Variants in KLHL3 observed in about 807,000 individuals in gnomAD.
KLHL3 encodes kelch-like protein 3.
In KLHL3, 19 loss-of-function variants were observed where a neutral mutation model predicts 70.5. The observed-to-expected ratio is 0.27, with a 90% CI of 0.19 to 0.40. KLHL3 has a LOEUF of 0.40. Ranked by LOEUF, KLHL3 falls within the 10% of genes least tolerant of loss-of-function variation. The pLI is 1.00. For missense variants in KLHL3, 512 were observed against 771.1 expected (o/e 0.66, Z 3.98); for synonymous variants, 258 against 290.3 (o/e 0.89, Z 1.13).
At chr5:137,625,154 T>G (rs1010706030) in intron 14 of KLHL3, among the ~76,000 whole-genome samples, 1 of 152,260 alleles carries the variant, frequency 6.6e-6, no homozygotes, top group African/African-American at 2.4e-5. Context: ...CCTAACACAC[T>G]GCCCCATGGC....
At chr5:137,685,042 C>A (rs893939712) in intron 5 of KLHL3, among the ~76,000 whole-genome samples, 7 of 152,202 alleles carry the variant, frequency 4.6e-5, no homozygotes, top group South Asian at 2.1e-4. Flanking sequence ...TCAGCCCCCA[C>A]AAAGTTGTGC....
chr5:137,622,184 C>T, intron 14 of KLHL3, 58 bp from the exon 15 acceptor site: 1 of 1,569,112 alleles, frequency 6.4e-7, no homozygotes, highest in South Asian at 1.1e-5. Context: ...ACTCAGAGTC[C>T]CAGTGAGTTC....
chr5:137,684,657 T>C (rs1752119621), intron 5 of KLHL3, among the ~76,000 whole-genome samples: 1 of 152,122 alleles, frequency 6.6e-6, no homozygotes, highest in Non-Finnish European at 1.5e-5. Flanking sequence ...TGTATGGCTG[T>C]CCAATTACCA....
At chr5:137,653,385 A>C (rs954796084) in intron 8 of KLHL3, among the ~76,000 whole-genome samples, 1 of 152,248 alleles carries the variant, frequency 6.6e-6, no homozygotes, top group Admixed American at 6.5e-5. Flanking sequence ...TCCAGAATAC[A>C]TAAAGAATGT....
At chr5:137,630,017 G>T (rs184796732) in intron 12 of KLHL3, 1 of 152,280 alleles carries the variant, frequency 6.6e-6, no homozygotes, top group East Asian at 1.9e-4. Context: ...AGCCACAGGG[G>T]CTCCTGGCAC....
intron 14 of KLHL3, among the ~76,000 whole-genome samples, chr5:137,625,043 T>C (rs1037866855): frequency 6.6e-6 from 1 of 152,254 alleles, no homozygotes; most frequent in African/African-American, 2.4e-5. Context: ...AGCAAGTTAC[T>C]TAAACTCTCC....
chr5:137,710,371 C>T (rs1311830641), intron 2 of KLHL3, among the ~76,000 whole-genome samples: 7 of 152,164 alleles, frequency 4.6e-5, no homozygotes, highest in African/African-American at 1.2e-4. Context: ...CCAGATTTAA[C>T]GCTTTCAACA....
Position 137,720,542 on chromosome 5 carries a change from A to G in KLHL3, c.57T>C (p.Asp19=), listed in dbSNP as rs1487685554. Residue 19 remains aspartate, a synonymous_variant, in exon 2 of 15, where the codon GAT becomes GAC. Coordinates refer to ENST00000309755, the MANE Select transcript of KLHL3 (RefSeq NM_017415.3). ...CAGTGATCGTCCTCTGGTTCTTCTCATCATCCCCAGCCTGTATCAGAGTCT... is the reference window on the plus strand; with the variant it reads ...CAGTGATCGTCCTCTGGTTCTTCTCGTCATCCCCAGCCTGTATCAGAGTCT... The part of the protein sequence containing the change: ...SSQTLIQAGD[D]EKNQRTITVN... 5 of 1,614,116 alleles carry G rather than the reference A, an allele frequency of 3.1e-6. No homozygotes were observed. Among genetic ancestry groups the G allele is most frequent in the East Asian group, 2.2e-5 (1 of 44,886 alleles).
chr5:137,711,244 T>A (rs1752787465), intron 2 of KLHL3, among the ~76,000 whole-genome samples: 1 of 152,202 alleles, frequency 6.6e-6, no homozygotes, highest in African/African-American at 2.4e-5. Context: ...TTTGTTTAGG[T>A]TCACATATCA....
intron 12 of KLHL3, 31 bp from the exon 13 acceptor site, chr5:137,628,468 A>T (rs367865348): frequency 1.7e-4 from 278 of 1,612,936 alleles, no homozygotes; most frequent in Non-Finnish European, 2.2e-4. Context: ...TCCCAGCCTC[A>T]TGCTGACTAC....
intron 12 of KLHL3, among the ~76,000 whole-genome samples, chr5:137,633,223 G>A (rs1162202729): frequency 7.4e-6 from 1 of 135,784 alleles, no homozygotes; most frequent in East Asian, 2.4e-4. Flanking sequence ...AGCTTGCAGT[G>A]AGCCGAGATA....
intron 11 of KLHL3, 33 bp from the exon 12 acceptor site, chr5:137,634,198 A>C (rs1580720711): frequency 6.4e-7 from 1 of 1,573,150 alleles, no homozygotes; most frequent in East Asian, 2.3e-5. Flanking sequence ...GTGTGGTGCC[A>C]GGGATACTGG....
In KLHL3 at chr5:137,702,827, G is replaced by A. The variant is rs1365724053; in HGVS notation, c.242-4419C>T. 2.0e-5 allele frequency among the ~76,000 whole-genome samples: 3 copies of A among 152,232 alleles called. No homozygotes were observed. The East Asian group carries it at 5.8e-4, about 29-fold the overall frequency. ...GCACTTAGCAGCCTCTGAGAACCAC[G>A]GAGGGCCCAGAAGAGCAAGCAATCC... On this transcript the variant is annotated intron_variant, in intron 3 of 14. Coordinates refer to ENST00000309755, the MANE Select transcript of KLHL3 (RefSeq NM_017415.3).
At chr5:137,632,436 T>A (rs116162850) in intron 12 of KLHL3, among the ~76,000 whole-genome samples, 2,422 of 152,238 alleles carry the variant, frequency 0.016, 37 homozygotes, top group Middle Eastern at 0.075. Flanking sequence ...ATAAATGGTG[T>A]TGTATGTGGC....
At chr5:137,735,551 A>G in intron 1 of KLHL3, 82 bp downstream of exon 1, 2 of 1,124,146 alleles carry the variant, frequency 1.8e-6, no homozygotes, top group Non-Finnish European at 2.7e-6. Context: ...AGCCAATGCA[A>G]ACACAAAAGC....
At chr5:137,718,186 G>C (rs937945119) in intron 2 of KLHL3, among the ~76,000 whole-genome samples, 3 of 152,232 alleles carry the variant, frequency 2.0e-5, no homozygotes, top group Non-Finnish European at 4.4e-5. Context: ...TCTCAGAACA[G>C]AGTTTGACAA....
chr5:137,731,847 A>C (rs1156332278), intron 1 of KLHL3, among the ~76,000 whole-genome samples: 1 of 152,172 alleles, frequency 6.6e-6, no homozygotes, highest in African/African-American at 2.4e-5. Flanking sequence ...AATGTTTTTT[A>C]TTGTGGTAAA....
chr5:137,705,802 A>G (rs1467582185), intron 3 of KLHL3, among the ~76,000 whole-genome samples: 7 of 152,352 alleles, frequency 4.6e-5, no homozygotes, highest in African/African-American at 1.7e-4. Flanking sequence ...CATGATAAAG[A>G]GAGAAACACT....
chr5:137,647,330 GTGTC>G (rs1281152702), intron 8 of KLHL3, among the ~76,000 whole-genome samples: 1 of 152,152 alleles, frequency 6.6e-6, no homozygotes, highest in Non-Finnish European at 1.5e-5. Flanking sequence ...CAACCACCCT[GTGTC>G]TGAGAGCCAT....
Sources: gnomAD v4.1 joint callset for allele counts (sites outside exome capture counted in the v4.1 genomes callset) on GRCh38, gnomAD v4.1.1 for gene constraint, MANE v1.5 for transcripts, NCBI Gene and HGNC (gene_info 2026-07-23, HGNC 2026-07-21) for gene names.